Variants in TMEM245 observed in about 807,000 individuals in gnomAD.
TMEM245 encodes protein CG-2.
In TMEM245, 69 loss-of-function variants were observed where a neutral mutation model predicts 101.2. That is an observed-to-expected ratio of 0.68 (90% confidence interval 0.56 to 0.83). TMEM245 has a LOEUF of 0.83. TMEM245 is among the 40% of genes least tolerant of loss of function. TMEM245 has a pLI of 0.00. For synonymous variants in TMEM245, 537 were observed against 449.8 expected (o/e 1.19, Z -2.45); for missense variants, 1,075 against 1,092.8 (o/e 0.98, Z 0.23).
chr9:109,052,531 T>A (rs7033904), intron 12 of TMEM245, among the ~76,000 whole-genome samples: 20,284 of 152,304 alleles, frequency 0.13, 1,586 homozygotes, highest in African/African-American at 0.19. Context: ...GTACCATTTA[T>A]AAAGGCATAT....
At chr9:109,049,240 G>T (rs1244740453) in intron 14 of TMEM245, among the ~76,000 whole-genome samples, 2 of 152,124 alleles carry the variant, frequency 1.3e-5, no homozygotes. Flanking sequence ...TTGAGATAGG[G>T]TCTTACTCTG....
At chr9:109,094,791 A>T (rs142008036) in intron 3 of TMEM245, among the ~76,000 whole-genome samples, 6 of 152,304 alleles carry the variant, frequency 3.9e-5, no homozygotes, top group African/African-American at 1.4e-4. Context: ...TCACCAAATC[A>T]TACACCCACA....
chr9:109,044,798 C>T (rs1401530554), intron 14 of TMEM245, among the ~76,000 whole-genome samples: 4 of 141,192 alleles, frequency 2.8e-5, no homozygotes, highest in Non-Finnish European at 6.0e-5. Context: ...GTCTCACTGT[C>T]GCCCAGGCTG....
intron 14 of TMEM245, among the ~76,000 whole-genome samples, chr9:109,041,524 T>G (rs908658515): frequency 7.4e-6 from 1 of 134,392 alleles, no homozygotes; most frequent in African/African-American, 2.9e-5. Context: ...AGTGCAATGG[T>G]GCAATCTTGG....
chr9:109,065,794 G>C (rs1829150548), intron 9 of TMEM245, among the ~76,000 whole-genome samples: 1 of 152,020 alleles, frequency 6.6e-6, no homozygotes. Flanking sequence ...AAGCCAAAAG[G>C]TGAAGGCAAG....
intron 8 of TMEM245, among the ~76,000 whole-genome samples, chr9:109,080,270 G>A (rs975539681): frequency 5.3e-5 from 8 of 151,960 alleles, no homozygotes; most frequent in Non-Finnish European, 1.2e-4. Context: ...GGGAAATCTT[G>A]TCAGACTTGA....
At chr9:109,095,665 G>A (rs1830121606) in intron 3 of TMEM245, among the ~76,000 whole-genome samples, 1 of 152,178 alleles carries the variant, frequency 6.6e-6, no homozygotes, top group Admixed American at 6.5e-5. Flanking sequence ...TCTTCTCACT[G>A]AAATTTTATT....
In TMEM245 at chr9:109,016,651, CAT is replaced by C. The variant is rs1371474588; in HGVS notation, c.*3807_*3808del. 3.6e-5 allele frequency: 4 copies of C among 110,514 alleles called. No homozygotes were observed. In the East Asian group the frequency reaches 1.1e-3, roughly 29 times the overall value. 6.8% of individuals were successfully genotyped at this position (110,514 alleles called of 1,614,324 possible). On this transcript the variant is annotated 3_prime_UTR_variant, in exon 18 of 18. Transcript: ENST00000374586. ...ATAACCAAACAGTGGCTGCAGACAGCATGTGTGTTTTTTTTTTTTTTTTTTTT... is the reference window on the plus strand; with the variant it reads ...ATAACCAAACAGTGGCTGCAGACAGCGTGTGTTTTTTTTTTTTTTTTTTTT...
intron 3 of TMEM245, among the ~76,000 whole-genome samples, chr9:109,094,494 A>G (rs1830087996): frequency 6.6e-6 from 1 of 152,218 alleles, no homozygotes; most frequent in Non-Finnish European, 1.5e-5. Flanking sequence ...TCAGGAAGGC[A>G]TATGGTTTTT....
intron 1 of TMEM245, among the ~76,000 whole-genome samples, chr9:109,113,948 G>A (rs571643458): frequency 1.1e-4 from 17 of 152,140 alleles, no homozygotes; most frequent in Admixed American, 2.6e-4. Flanking sequence ...AAAATTAGCC[G>A]GGCATGGTGG....
rs565512716 is a variant in TMEM245, at chr9:109,054,622, CA to C, written c.1854+2568del. ...CCTATTTACAACAATATCCAAAAAA[CA>C]AAAAAAAACTGACAAAGCAAATAAA... On this transcript the variant is annotated intron_variant, in intron 12 of 17. Coordinates refer to ENST00000374586, the MANE Select transcript of TMEM245 (RefSeq NM_032012.4). 3.0e-4 allele frequency among the ~76,000 whole-genome samples: 45 copies of C among 150,536 alleles called. No individual in the cohort carries two copies. In the East Asian group the frequency reaches 8.5e-3, roughly 29 times the overall value.
chr9:109,073,536 C>A lies in TMEM245; in HGVS notation c.1450-98G>T, dbSNP rs931820170. On this transcript the variant is annotated intron_variant, in intron 8 of 17. Transcript: ENST00000374586. ...TATTATTGGAACAATGCTTTGAGAG[C>A]CAAATAAATACACATCTTTGCTTTA... 1.0e-5 allele frequency: 9 copies of A among 865,674 alleles called. No homozygotes were observed. The African/African-American group carries it at 1.5e-4, about 15-fold the overall frequency. 53.6% of individuals were successfully genotyped at this position (865,674 alleles called of 1,614,324 possible). A position where few individuals can be genotyped will look rare whatever the true frequency, so the allele number is the denominator to read the frequency against.
chr9:109,119,527 G>A lies in TMEM245; in HGVS notation c.387C>T (p.Cys129=), dbSNP rs1484508659. The change falls in exon 1 of 18, where the codon TGC becomes TGT. Residue 129 remains cysteine (C), a synonymous_variant. Transcript: ENST00000374586. The part of the protein sequence containing the change: ...IVLAALLLPL[C]FVDYGVEALG... ...GGGCCTCGACGCCGTAGTCGACGAA[G>A]CAGAGCGGCAGGAGCAGCGCGGCCA... 20 of 1,530,458 alleles carry A rather than the reference G, an allele frequency of 1.3e-5. No individual in the cohort carries two copies. The highest frequency in any genetic ancestry group is 1.7e-5 in the Non-Finnish European group (19 of 1,144,392). 94.8% of individuals were successfully genotyped at this position (1,530,458 alleles called of 1,614,324 possible).
intron 2 of TMEM245, among the ~76,000 whole-genome samples, chr9:109,107,598 G>A (rs1830463221): frequency 1.3e-5 from 2 of 152,158 alleles, no homozygotes; most frequent in East Asian, 1.9e-4. Flanking sequence ...ACTCAACAAA[G>A]CTAGAGAATA....
rs766862528 is a variant in TMEM245, at chr9:109,091,123, A to G, written c.949T>C (p.Leu317=). Residue 317 remains leucine, a synonymous_variant, in exon 5 of 18, where the codon TTG becomes CTG. Coordinates refer to ENST00000374586, the MANE Select transcript of TMEM245 (RefSeq NM_032012.4). The stretch of plus-strand genomic sequence containing the variant: ...GAGGAGGGTGAAGGGGAGGTGGACA[A>G]CGTTGGAGCGGATTCTCCCCTGTCC... ...AVDRGESAPT[L]STSPSPSSPS... 8 of 1,613,972 alleles carry G rather than the reference A, an allele frequency of 5.0e-6. No individual in the cohort carries two copies. Among genetic ancestry groups the G allele is most frequent in the Middle Eastern group, 1.6e-4 (1 of 6,084 alleles).
chr9:109,119,312 G>A, intron 1 of TMEM245, 23 bp downstream of exon 1: 2 of 1,518,460 alleles, frequency 1.3e-6, no homozygotes, highest in Non-Finnish European at 1.8e-6. Context: ...GCGGGGGACG[G>A]GGGCGGACTG....
intron 12 of TMEM245, among the ~76,000 whole-genome samples, chr9:109,056,826 G>A (rs900054436): frequency 1.6e-4 from 24 of 152,168 alleles, no homozygotes; most frequent in African/African-American, 5.6e-4. Flanking sequence ...ATGGTAGGAG[G>A]TTAGGTGGGA....
At chr9:109,081,380 A>G (rs1829662200) in intron 7 of TMEM245, among the ~76,000 whole-genome samples, 1 of 152,242 alleles carries the variant, frequency 6.6e-6, no homozygotes, top group Non-Finnish European at 1.5e-5. Context: ...CTTATAATAC[A>G]GGCATGGACT....
At chr9:109,105,974 A>G (rs1233878548) in intron 3 of TMEM245, among the ~76,000 whole-genome samples, 1 of 152,156 alleles carries the variant, frequency 6.6e-6, no homozygotes, top group Non-Finnish European at 1.5e-5. Flanking sequence ...GGGTTTCACC[A>G]TATTGGCCAG....
Sources: allele counts gnomAD v4.1 joint callset (sites outside exome capture counted in the v4.1 genomes callset), GRCh38; gene constraint gnomAD v4.1.1; transcripts MANE v1.5; gene names NCBI Gene and HGNC (gene_info 2026-07-23, HGNC 2026-07-21).